TEAD1: variants seen among roughly 807,000 people sequenced by gnomAD.
TEAD1 encodes TEA domain transcription factor 1.
Under a neutral mutation model 54.9 loss-of-function variants are expected in TEAD1, and 9 were observed. That is an observed-to-expected ratio of 0.16 (90% CI 0.10 to 0.29). The LOEUF (loss-of-function observed/expected upper bound fraction) is 0.29. TEAD1 is among the 10% of genes least tolerant of loss of function. The pLI, the probability that TEAD1 is intolerant of heterozygous loss-of-function variation, is 1.00. For synonymous variants in TEAD1, 200 were observed against 187.8 expected (o/e 1.07, Z -0.53); for missense variants, 387 against 535.9 (o/e 0.72, Z 2.74).
At chr11:12,848,529 T>C (rs1564962537) in intron 3 of TEAD1, among the ~76,000 whole-genome samples, 1 of 152,222 alleles carries the variant, frequency 6.6e-6, no homozygotes, top group Non-Finnish European at 1.5e-5. Context: ...CCGACTCCAC[T>C]GCTTAATTAG....
chr11:12,845,311 T>G (rs1027362823), intron 3 of TEAD1, among the ~76,000 whole-genome samples: 8 of 151,942 alleles, frequency 5.3e-5, no homozygotes, highest in African/African-American at 1.9e-4. Context: ...CAGTTGCAGC[T>G]CTCTCTGCAG....
At chr11:12,903,934 T>C (rs1400138872) in intron 10 of TEAD1, among the ~76,000 whole-genome samples, 1 of 152,218 alleles carries the variant, frequency 6.6e-6, no homozygotes, top group Non-Finnish European at 1.5e-5. Context: ...TCTGAATTGG[T>C]GGCTGCCTTC....
At chr11:12,820,080 A>C (rs1055751683) in intron 3 of TEAD1, among the ~76,000 whole-genome samples, 10 of 152,004 alleles carry the variant, frequency 6.6e-5, no homozygotes, top group Non-Finnish European at 1.3e-4. Context: ...GTGGCAGGTC[A>C]TGGGGGTCCA....
chr11:12,766,723 A>G (rs962540205), intron 3 of TEAD1, among the ~76,000 whole-genome samples: 12 of 152,222 alleles, frequency 7.9e-5, no homozygotes, highest in African/African-American at 2.7e-4. Context: ...TCCTTAACTC[A>G]GCAGCACATT....
intron 3 of TEAD1, among the ~76,000 whole-genome samples, chr11:12,772,159 C>G (rs2133936347): frequency 6.6e-6 from 1 of 152,312 alleles, no homozygotes. Flanking sequence ...ATGAATGACG[C>G]TAGTTTCATT....
intron 2 of TEAD1, among the ~76,000 whole-genome samples, chr11:12,693,808 C>T (rs1224860077): frequency 6.6e-6 from 1 of 152,184 alleles, no homozygotes; most frequent in Non-Finnish European, 1.5e-5. Flanking sequence ...ATCCATGAAT[C>T]ATGAGATGAG....
chr11:12,839,601 G>A (rs1451563578), intron 3 of TEAD1, among the ~76,000 whole-genome samples: 1 of 152,166 alleles, frequency 6.6e-6, no homozygotes, highest in Non-Finnish European at 1.5e-5. Context: ...CTGCCGTGTA[G>A]TAGTACTTTA....
intron 3 of TEAD1, among the ~76,000 whole-genome samples, chr11:12,801,221 A>G (rs770793164): frequency 1.1e-4 from 16 of 152,216 alleles, no homozygotes; most frequent in Non-Finnish European, 2.2e-4. Flanking sequence ...ATTAGCCCCA[A>G]TTCTGCAATT....
intron 9 of TEAD1, among the ~76,000 whole-genome samples, chr11:12,891,479 G>C (rs1025889357): frequency 2.0e-5 from 3 of 152,204 alleles, no homozygotes; most frequent in African/African-American, 7.2e-5. Flanking sequence ...AAAGCCTTGT[G>C]GATTAATGAG....
chr11:12,819,418 G>A (rs1946486863), intron 3 of TEAD1, among the ~76,000 whole-genome samples: 1 of 151,762 alleles, frequency 6.6e-6, no homozygotes, highest in Non-Finnish European at 1.5e-5. Flanking sequence ...GCACTTGTAT[G>A]TGTGTGTGTG....
intron 9 of TEAD1, among the ~76,000 whole-genome samples, chr11:12,899,702 C>G (rs1324398625): frequency 6.6e-6 from 1 of 152,202 alleles, no homozygotes. Flanking sequence ...TCTTACCTGC[C>G]AGGTGGCTAG....
intron 2 of TEAD1, among the ~76,000 whole-genome samples, chr11:12,745,924 C>T (rs1413244974): frequency 2.6e-5 from 4 of 152,204 alleles, no homozygotes. Flanking sequence ...CCATTCCACC[C>T]AGTGGATGGC....
intron 2 of TEAD1, among the ~76,000 whole-genome samples, chr11:12,735,732 C>A (rs1429463695): frequency 6.6e-6 from 1 of 152,160 alleles, no homozygotes. Context: ...ATATATCTTT[C>A]TATCACAACA....
intron 2 of TEAD1, among the ~76,000 whole-genome samples, chr11:12,693,388 T>G (rs1943505136): frequency 6.6e-6 from 1 of 152,222 alleles, no homozygotes; most frequent in Non-Finnish European, 1.5e-5. Context: ...GAACTCTGGT[T>G]TGCAACTGGA....
Position 12,938,225 on chromosome 11 carries a change from G to A in TEAD1, c.*1003G>A, listed in dbSNP as rs1190028394. On this transcript the variant is annotated 3_prime_UTR_variant, in exon 13 of 13. Transcript: ENST00000527636. ...AAAATTGGCATGAATACGGAATACTGCACTGTGAGATGCAAAGTATACAGA... is the reference window on the plus strand; with the variant it reads ...AAAATTGGCATGAATACGGAATACTACACTGTGAGATGCAAAGTATACAGA... 1 of 152,552 alleles carries A rather than the reference G, an allele frequency of 6.6e-6. No homozygotes were observed. The highest frequency in any genetic ancestry group is 2.4e-5 in the African/African-American group (1 of 41,428). The allele number at this position is 152,552 out of a possible 1,614,324, so 9.4% of individuals were successfully genotyped here.
chr11:12,740,045 A>G (rs1257611011), intron 2 of TEAD1, among the ~76,000 whole-genome samples: 1 of 152,230 alleles, frequency 6.6e-6, no homozygotes, highest in African/African-American at 2.4e-5. Flanking sequence ...GAGGAAAGGC[A>G]TTTCAGATAA....
intron 3 of TEAD1, among the ~76,000 whole-genome samples, chr11:12,802,198 A>G (rs1050577074): frequency 1.3e-5 from 2 of 152,342 alleles, no homozygotes; most frequent in Admixed American, 6.5e-5. Flanking sequence ...AGATGAGACC[A>G]CATCTGAACC....
intron 3 of TEAD1, among the ~76,000 whole-genome samples, chr11:12,819,746 CG>C (rs1205489700): frequency 6.6e-6 from 1 of 152,186 alleles, no homozygotes; most frequent in African/African-American, 2.4e-5. Flanking sequence ...CCACCAAGCC[CG>C]GCCGGTAACA....
rs567700070 is a variant in TEAD1 at position 12,905,284 on chromosome 11, C to T, written c.873+3171C>T. ...TGGTGGGGCCCTTCAGTCATGAATC[C>T]TCAAATAACAAAGTCTAGATTGCAG... On this transcript the variant is annotated intron_variant, in intron 10 of 12. Transcript: ENST00000527636. 2.4e-4 allele frequency among the ~76,000 whole-genome samples: 36 copies of T among 152,074 alleles called. 1 individual carries two copies. The highest frequency in any genetic ancestry group is 6.8e-3 in the Middle Eastern group (2 of 294).
Sources: gnomAD v4.1 joint callset for allele counts (sites outside exome capture counted in the v4.1 genomes callset) on GRCh38, gnomAD v4.1.1 for gene constraint, MANE v1.5 for transcripts, NCBI Gene and HGNC (gene_info 2026-07-23, HGNC 2026-07-21) for gene names.